Variants in MAML3 observed in about 807,000 individuals in gnomAD.
MAML3 encodes mastermind like transcriptional coactivator 3.
In MAML3, 27 loss-of-function variants were observed where a neutral mutation model predicts 101.9. The ratio of observed to expected loss-of-function variants is 0.27; its 90% CI spans 0.20 to 0.37. The LOEUF (loss-of-function observed/expected upper bound fraction) is 0.37. Among genes scored for constraint, MAML3 ranks in the 10% least tolerant of loss-of-function variants. The pLI is 1.00. For missense variants in MAML3, 1,316 were observed against 1,444.9 expected, an observed-to-expected ratio of 0.91 and a Z score of 1.45; for synonymous variants, 501 against 555.9, an observed-to-expected ratio of 0.90 and a Z score of 1.39.
At chr4:139,727,714 T>G (rs1164159469) in intron 3 of MAML3, among the ~76,000 whole-genome samples, 3 of 152,228 alleles carry the variant, frequency 2.0e-5, no homozygotes, top group African/African-American at 7.2e-5. Context: ...ATGCCTACTT[T>G]CAACCTGCAC....
intron 1 of MAML3, among the ~76,000 whole-genome samples, chr4:139,955,075 A>T (rs1233944900): frequency 6.6e-6 from 1 of 152,146 alleles, no homozygotes; most frequent in Non-Finnish European, 1.5e-5. Flanking sequence ...TTGCAGGTCT[A>T]GTCTTTATCT....
intron 1 of MAML3, among the ~76,000 whole-genome samples, chr4:139,954,410 GT>G (rs1370733525): frequency 1.3e-5 from 2 of 152,246 alleles, no homozygotes; most frequent in African/African-American, 4.8e-5. Context: ...ACATGTCTGT[GT>G]TTCCGTGGAA....
At chr4:139,909,535 A>G (rs1352335140) in intron 1 of MAML3, among the ~76,000 whole-genome samples, 2 of 152,184 alleles carry the variant, frequency 1.3e-5, no homozygotes, top group Non-Finnish European at 2.9e-5. Flanking sequence ...AAATACAGTT[A>G]TCCCACAAAC....
intron 1 of MAML3, among the ~76,000 whole-genome samples, chr4:139,892,222 G>T (rs1339072660): frequency 6.6e-6 from 1 of 152,174 alleles, no homozygotes; most frequent in East Asian, 1.9e-4. Flanking sequence ...ATATTTCATG[G>T]ACATCTAAAA....
At chr4:139,741,929 G>A (rs13120266) in intron 2 of MAML3, among the ~76,000 whole-genome samples, 127,980 of 152,090 alleles carry the variant, frequency 0.84, 54,491 homozygotes, top group Non-Finnish European at 0.92. Context: ...AATATACCTG[G>A]GCACTCCAAA....
At chr4:140,104,398 TATAATATATA>T (rs1728310634) in intron 1 of MAML3, among the ~76,000 whole-genome samples, 1 of 85,940 alleles carries the variant, frequency 1.2e-5, no homozygotes, top group Admixed American at 1.4e-4. Flanking sequence ...TTATATATTA[TATAATATATA>T]ATATAATATA....
In MAML3 at chr4:139,719,980, C is replaced by G; in HGVS notation, c.2760G>C (p.Leu920=). The G allele has an allele frequency of 6.2e-7, 1 of 1,614,080 alleles. No homozygotes were observed. The highest frequency in any genetic ancestry group is 8.5e-7 in the Non-Finnish European group (1 of 1,179,902). ...GTTGCTGGGTAATGGCTGAGTTCAC[C>G]AGCATGCTCTGACCAAAGCCACTCA... ...GMVSGFGQSM[L]VNSAITQQHP... The change falls in exon 5 of 5, where the codon CTG becomes CTC. Residue 920 remains leucine (L), a synonymous_variant. Coordinates refer to ENST00000509479, the MANE Select transcript of MAML3 (RefSeq NM_018717.5).
intron 1 of MAML3, among the ~76,000 whole-genome samples, chr4:140,021,709 T>C (rs1266717258): frequency 2.0e-5 from 3 of 152,108 alleles, no homozygotes; most frequent in South Asian, 2.1e-4. Flanking sequence ...TTTCTCTTCT[T>C]TATCCAGTTT....
intron 2 of MAML3, among the ~76,000 whole-genome samples, chr4:139,821,040 A>G (rs564013108): frequency 6.6e-6 from 1 of 152,348 alleles, no homozygotes; most frequent in South Asian, 2.1e-4. Flanking sequence ...ATTTGCTATG[A>G]GAAAAACCAT....
chr4:139,776,565 G>A (rs1194577250), intron 2 of MAML3, among the ~76,000 whole-genome samples: 1 of 152,220 alleles, frequency 6.6e-6, no homozygotes, highest in Admixed American at 6.5e-5. Context: ...AGGCTCTTAG[G>A]TAGACTGAGG....
chr4:140,001,599 C>A (rs541453313), intron 1 of MAML3, among the ~76,000 whole-genome samples: 24 of 152,330 alleles, frequency 1.6e-4, no homozygotes, highest in Middle Eastern at 6.8e-3. Flanking sequence ...TGCTTGTCTG[C>A]ATGTCCATAC....
At chr4:140,057,139 G>A (rs901247478) in intron 1 of MAML3, among the ~76,000 whole-genome samples, 2 of 152,202 alleles carry the variant, frequency 1.3e-5, no homozygotes, top group African/African-American at 4.8e-5. Context: ...AGCCAGGTGG[G>A]ATGGCATGCA....
chr4:140,093,132 T>C (rs1036139574), intron 1 of MAML3, among the ~76,000 whole-genome samples: 1 of 152,152 alleles, frequency 6.6e-6, no homozygotes, highest in Admixed American at 6.6e-5. Context: ...GGCCCCAAAG[T>C]GTGAGGAACA....
rs760298571 is a variant in MAML3 at position 139,889,633 on chromosome 4, G to T, written c.1803C>A (p.Asn601Lys). The change falls in exon 2 of 5, where the codon AAC becomes AAA. Residue 601 changes from asparagine to lysine, a missense_variant. Asn to Lys is a moderately conservative substitution (Grantham distance 94). Coordinates refer to ENST00000509479, the MANE Select transcript of MAML3 (RefSeq NM_018717.5). ...NKQHNILTYG[N>K]TKPLTHFNAD... ...CATTGAAGTGGGTCAGGGGTTTAGT[G>T]TTGCCATAAGTCAGAATATTGTGCT... The T allele has an allele frequency of 6.2e-7, 1 of 1,614,032 alleles. No individual in the cohort carries two copies.
At chr4:139,908,800 A>G (rs570122547) in intron 1 of MAML3, among the ~76,000 whole-genome samples, 1 of 152,336 alleles carries the variant, frequency 6.6e-6, no homozygotes, top group East Asian at 1.9e-4. Context: ...AATTTGTCTT[A>G]GGTTTGTTGG....
intron 2 of MAML3, among the ~76,000 whole-genome samples, chr4:139,771,394 A>G (rs1263553909): frequency 6.6e-6 from 1 of 152,216 alleles, no homozygotes; most frequent in Non-Finnish European, 1.5e-5. Context: ...AAATGACTCA[A>G]TGCATAAATA....
At chr4:139,778,958 G>A (rs1407005275) in intron 2 of MAML3, among the ~76,000 whole-genome samples, 1 of 149,470 alleles carries the variant, frequency 6.7e-6, no homozygotes, top group African/African-American at 2.5e-5. Flanking sequence ...ATTCCAGCCT[G>A]GGTGACAGAG....
chr4:139,908,185 G>A (rs1022546020), intron 1 of MAML3, among the ~76,000 whole-genome samples: 1 of 152,192 alleles, frequency 6.6e-6, no homozygotes, highest in Non-Finnish European at 1.5e-5. Flanking sequence ...GTTTACTTGT[G>A]TATAGTTGGA....
rs1728448429 is a variant in MAML3 at position 139,725,814 on chromosome 4, G to T, written c.2353C>A (p.Pro785Thr). ...AEQQLQQSHLPRQHLQPQRNP... is the reference protein window; with the variant it reads ...AEQQLQQSHLTRQHLQPQRNP... ...CGCTGTGGCTGGAGGTGCTGCCGGG[G>T]TAGATGTGATTGCTGCAACTGCTAG... Residue 785 changes from proline to threonine, a missense_variant, in exon 4 of 5, where the codon CCC (proline) becomes ACC (threonine). Coordinates refer to ENST00000509479, the MANE Select transcript of MAML3 (RefSeq NM_018717.5). 6.2e-7 allele frequency: 1 copy of T among 1,613,874 alleles called. No homozygotes were observed. The highest frequency in any genetic ancestry group is 1.3e-5 in the African/African-American group (1 of 74,934).
Sources: gnomAD v4.1 joint callset for allele counts (sites outside exome capture counted in the v4.1 genomes callset) on GRCh38, gnomAD v4.1.1 for gene constraint, MANE v1.5 for transcripts, NCBI Gene and HGNC (gene_info 2026-07-23, HGNC 2026-07-21) for gene names.